The following CCDC30 variants were observed in gnomAD, a reference collection of about 807,000 sequenced individuals.
CCDC30 encodes coiled-coil domain-containing protein 30.
Under a neutral mutation model 100.2 loss-of-function variants are expected in CCDC30, and 70 were observed. The ratio of observed to expected loss-of-function variants is 0.70; its 90% CI spans 0.58 to 0.85. The LOEUF is 0.85. Among genes scored for constraint, CCDC30 ranks in the 40% least tolerant of loss-of-function variants. The pLI, the probability that CCDC30 is intolerant of heterozygous loss-of-function variation, is 0.00. For missense variants in CCDC30, 652 were observed against 771.2 expected, an observed-to-expected ratio of 0.85 and a Z score of 1.83; for synonymous variants, 233 against 269.5, an observed-to-expected ratio of 0.86 and a Z score of 1.33.
intron 4 of CCDC30, among the ~76,000 whole-genome samples, chr1:42,496,093 A>G (rs1644227293): frequency 6.6e-6 from 1 of 150,644 alleles, no homozygotes; most frequent in Non-Finnish European, 1.5e-5. Flanking sequence ...GATGTGTGGT[A>G]TAATGTCATT....
chr1:42,556,235 A>G (rs1645366361), intron 6 of CCDC30: 1 of 1,614,128 alleles, frequency 6.2e-7, no homozygotes. Flanking sequence ...AGAGGGGCAG[A>G]AGGAGGAGGG....
intron 1 of CCDC30, chr1:42,473,047 C>T (rs1643820702): frequency 8.3e-7 from 1 of 1,208,782 alleles, no homozygotes; most frequent in African/African-American, 1.6e-5. Context: ...TAAGGTGGCA[C>T]CCACATAGAT....
the CCDC30 span, chr1:42,457,098 T>C: frequency 6.3e-7 from 1 of 1,578,276 alleles, no homozygotes; most frequent in African/African-American, 1.3e-5. Context: ...AGTACCCCTT[T>C]TGCCTGGAAG....
chr1:42,509,776 CT>C (rs1438235598), intron 6 of CCDC30, among the ~76,000 whole-genome samples: 4 of 152,104 alleles, frequency 2.6e-5, no homozygotes, highest in African/African-American at 9.7e-5. Context: ...CACAAATCCT[CT>C]TTCATTAATT....
intron 6 of CCDC30, among the ~76,000 whole-genome samples, chr1:42,526,720 A>G (rs956079113): frequency 1.4e-4 from 21 of 152,180 alleles, no homozygotes; most frequent in Admixed American, 1.2e-3. Context: ...CTCCTTCAGT[A>G]CAGTTTTCCT....
chr1:42,459,941 A>G (rs1330722694), upstream of CCDC30: 1 of 1,575,972 alleles, frequency 6.3e-7, no homozygotes, highest in South Asian at 1.2e-5. Flanking sequence ...AAAAGCCCTT[A>G]TAGGATCAAA....
chr1:42,471,956 A>G (rs1011921774), intron 1 of CCDC30, among the ~76,000 whole-genome samples: 3 of 152,216 alleles, frequency 2.0e-5, no homozygotes, highest in African/African-American at 7.2e-5. Flanking sequence ...TGTCACTGCA[A>G]TTTGGGTCAG....
chr1:42,545,948 T>TTAATAATAATAA (rs56842129), intron 6 of CCDC30, among the ~76,000 whole-genome samples: 32 of 148,578 alleles, frequency 2.2e-4, no homozygotes, highest in Middle Eastern at 7.1e-3. Context: ...TGTTTCAAAA[T>TTAATAATAATAA]TAATAATAAT....
chr1:42,518,973 G>A (rs1644595306), intron 6 of CCDC30, among the ~76,000 whole-genome samples: 1 of 152,104 alleles, frequency 6.6e-6, no homozygotes, highest in African/African-American at 2.4e-5. Flanking sequence ...TGTTTGTTAA[G>A]TGTTTTTATC....
intron 11 of CCDC30, among the ~76,000 whole-genome samples, chr1:42,618,381 C>T (rs747743622): frequency 1.3e-5 from 2 of 151,986 alleles, no homozygotes; most frequent in Non-Finnish European, 2.9e-5. Flanking sequence ...GGATTACAGG[C>T]ATGTGCCACC....
intron 9 of CCDC30, 147 bp from the exon 14 acceptor site, chr1:42,589,174 C>T (rs1557877528): frequency 2.0e-6 from 1 of 498,452 alleles, no homozygotes; most frequent in Non-Finnish European, 3.5e-6. Flanking sequence ...AAAGAGGTTC[C>T]CTGTGTTGGT....
At chr1:42,498,962 G>A (rs945743189) in intron 6 of CCDC30, 46 bp downstream of exon 6, 2 of 1,062,098 alleles carry the variant, frequency 1.9e-6, no homozygotes, top group African/African-American at 3.3e-5. Flanking sequence ...TAATTTTTGA[G>A]TTGCATTTTT....
intron 11 of CCDC30, among the ~76,000 whole-genome samples, chr1:42,622,579 G>A (rs1182597769): frequency 6.6e-6 from 1 of 151,728 alleles, no homozygotes; most frequent in South Asian, 2.1e-4. Flanking sequence ...CAATTCTTCT[G>A]CTTCAGCCTC....
At chr1:42,496,494 T>C (rs970366526) in intron 4 of CCDC30, among the ~76,000 whole-genome samples, 16 of 151,846 alleles carry the variant, frequency 1.1e-4, no homozygotes, top group Non-Finnish European at 1.6e-4. Context: ...CTGAAAATAT[T>C]TACTATGTGT....
intron 7 of CCDC30, among the ~76,000 whole-genome samples, chr1:42,568,535 TTC>T (rs748978302): frequency 2.0e-5 from 3 of 152,288 alleles, no homozygotes; most frequent in Admixed American, 6.5e-5. Context: ...TCAAGTTTGT[TTC>T]TCTCTTTCCT....
At chr1:42,616,853 A>G (rs1029542095) in intron 11 of CCDC30, among the ~76,000 whole-genome samples, 4 of 152,228 alleles carry the variant, frequency 2.6e-5, no homozygotes, top group Non-Finnish European at 5.9e-5. Context: ...GTGTAACATT[A>G]CGGAGAGTAT....
intron 6 of CCDC30, among the ~76,000 whole-genome samples, chr1:42,551,586 C>T (rs375924996): frequency 1.3e-5 from 2 of 152,102 alleles, no homozygotes; most frequent in East Asian, 1.9e-4. Flanking sequence ...TGCTTTTGCC[C>T]ACACAACTTT....
At chr1:42,487,262 T>C (rs1466827267) in intron 3 of CCDC30, among the ~76,000 whole-genome samples, 1 of 152,142 alleles carries the variant, frequency 6.6e-6, no homozygotes, top group South Asian at 2.1e-4. Flanking sequence ...CCTGTAGGTA[T>C]ACTAAAAACC....
intron 6 of CCDC30, among the ~76,000 whole-genome samples, chr1:42,553,377 TA>T (rs1411488439): frequency 6.6e-6 from 1 of 151,914 alleles, no homozygotes; most frequent in Non-Finnish European, 1.5e-5. Context: ...CAAAGTCTTT[TA>T]ATGTTTGTTT....
Sources: allele counts gnomAD v4.1 joint callset (sites outside exome capture counted in the v4.1 genomes callset), GRCh38; gene constraint gnomAD v4.1.1; transcripts MANE v1.5; gene names NCBI Gene and HGNC (gene_info 2026-07-23, HGNC 2026-07-21).